FMNL2: variants seen among roughly 807,000 people sequenced by gnomAD.
FMNL2 encodes formin-like protein 2.
FMNL2 carries 51 observed loss-of-function variants against 130.2 expected under a neutral mutation model. The observed-to-expected ratio is 0.39, with a 90% CI of 0.31 to 0.49. The LOEUF (loss-of-function observed/expected upper bound fraction) is 0.49. Among genes scored for constraint, FMNL2 ranks in the 20% least tolerant of loss-of-function variants. The pLI is 0.85. For missense variants in FMNL2, 977 were observed against 1,316.2 expected (o/e 0.74, Z 3.99); for synonymous variants, 465 against 467.1 (o/e 1.00, Z 0.06).
At chr2:152,402,202 G>A (rs925102886) in intron 1 of FMNL2, among the ~76,000 whole-genome samples, 5 of 151,914 alleles carry the variant, frequency 3.3e-5, no homozygotes, top group African/African-American at 9.7e-5. Flanking sequence ...ACGCCCGGCC[G>A]TGTTTGATCT....
intron 2 of FMNL2, among the ~76,000 whole-genome samples, chr2:152,534,937 G>A (rs1693912796): frequency 6.6e-6 from 1 of 152,190 alleles, no homozygotes; most frequent in Non-Finnish European, 1.5e-5. Context: ...TTCATATTCA[G>A]AGCTGAAGAA....
At chr2:152,547,909 C>G (rs1302928427) in intron 3 of FMNL2, among the ~76,000 whole-genome samples, 1 of 152,134 alleles carries the variant, frequency 6.6e-6, no homozygotes, top group Non-Finnish European at 1.5e-5. Context: ...TTCAAAGTGG[C>G]CTGAGACTGT....
chr2:152,419,217 T>C (rs1686777255), intron 1 of FMNL2, among the ~76,000 whole-genome samples: 1 of 152,188 alleles, frequency 6.6e-6, no homozygotes, highest in Admixed American at 6.5e-5. Flanking sequence ...TACAAAGTGA[T>C]GTAATGATGT....
chr2:152,477,941 A>G (rs1690245655), intron 1 of FMNL2, among the ~76,000 whole-genome samples: 1 of 152,162 alleles, frequency 6.6e-6, no homozygotes, highest in South Asian at 2.1e-4. Context: ...TTAATGAGTC[A>G]GCACAGCCTG....
At chr2:152,363,572 T>G (rs12992391) in intron 1 of FMNL2, among the ~76,000 whole-genome samples, 125 of 144,624 alleles carry the variant, frequency 8.6e-4, no homozygotes, top group East Asian at 5.9e-4. Context: ...CTTTTTTTTT[T>G]CCCCCCCAAG....
At chr2:152,475,840 G>T (rs1690120979) in intron 1 of FMNL2, among the ~76,000 whole-genome samples, 1 of 152,180 alleles carries the variant, frequency 6.6e-6, no homozygotes, top group Non-Finnish European at 1.5e-5. Flanking sequence ...AAAAAGGCAA[G>T]TTGGTGAGGT....
At chr2:152,460,066 C>T (rs1053661273) in intron 1 of FMNL2, among the ~76,000 whole-genome samples, 2 of 152,152 alleles carry the variant, frequency 1.3e-5, no homozygotes, top group Non-Finnish European at 2.9e-5. Flanking sequence ...TAAGTCAGTT[C>T]TCTATTTAAC....
chr2:152,571,882 G>A (rs889263092), intron 6 of FMNL2, among the ~76,000 whole-genome samples: 31 of 129,100 alleles, frequency 2.4e-4, no homozygotes, highest in African/African-American at 7.4e-4. Flanking sequence ...AATTGGTGAC[G>A]GATTACTGCT....
chr2:152,461,475 T>G (rs1476930849), intron 1 of FMNL2, among the ~76,000 whole-genome samples: 1 of 152,168 alleles, frequency 6.6e-6, no homozygotes, highest in Admixed American at 6.5e-5. Flanking sequence ...ATTATAAAAT[T>G]TAGAGTCAAA....
chr2:152,467,935 G>T (rs770564281), intron 1 of FMNL2, among the ~76,000 whole-genome samples: 3 of 152,240 alleles, frequency 2.0e-5, no homozygotes, highest in Non-Finnish European at 2.9e-5. Context: ...ATTTTAGGAG[G>T]ACCTGAAGCA....
chr2:152,604,492 T>C (rs1275418175), intron 9 of FMNL2, among the ~76,000 whole-genome samples: 2 of 148,626 alleles, frequency 1.3e-5, no homozygotes, highest in African/African-American at 2.4e-5. Context: ...CAAACATGAA[T>C]CACGGTCTGC....
intron 1 of FMNL2, among the ~76,000 whole-genome samples, chr2:152,379,895 A>T (rs148533625): frequency 6.6e-6 from 1 of 152,226 alleles, no homozygotes; most frequent in African/African-American, 2.4e-5. Flanking sequence ...AGAAAATAGT[A>T]GTGAAAGCTA....
intron 1 of FMNL2, among the ~76,000 whole-genome samples, chr2:152,504,403 C>T (rs1011259369): frequency 1.8e-4 from 27 of 151,992 alleles, no homozygotes; most frequent in African/African-American, 5.6e-4. Context: ...TGCACCACCA[C>T]GACCGGCTAA....
At chr2:152,578,007 G>A (rs1443942466) in intron 7 of FMNL2, among the ~76,000 whole-genome samples, 2 of 152,152 alleles carry the variant, frequency 1.3e-5, no homozygotes, top group African/African-American at 2.4e-5. Flanking sequence ...AAAATAAGGG[G>A]GAAGGGAGGA....
chr2:152,602,818 TCTGAAAATAA>T (rs1455125173), intron 9 of FMNL2, among the ~76,000 whole-genome samples: 1 of 152,126 alleles, frequency 6.6e-6, no homozygotes, highest in Non-Finnish European at 1.5e-5. Flanking sequence ...ATGCATGGAT[TCTGAAAATAA>T]CTGAAAATTA....
chr2:152,417,772 A>G (rs1407266249), intron 1 of FMNL2, among the ~76,000 whole-genome samples: 1 of 152,028 alleles, frequency 6.6e-6, no homozygotes, highest in Non-Finnish European at 1.5e-5. Context: ...GTTATTTTTG[A>G]CCTGCCCTGC....
At chr2:152,370,583 GT>G (rs938322261) in intron 1 of FMNL2, among the ~76,000 whole-genome samples, 2 of 152,180 alleles carry the variant, frequency 1.3e-5, no homozygotes, top group African/African-American at 2.4e-5. Flanking sequence ...TATAAACAAG[GT>G]GGTATTTCAT....
intron 1 of FMNL2, among the ~76,000 whole-genome samples, chr2:152,396,012 A>T (rs1317719301): frequency 6.6e-6 from 1 of 152,206 alleles, no homozygotes; most frequent in South Asian, 2.1e-4. Context: ...TCCTTGCTTA[A>T]GTGTATTTGT....
chr2:152,552,781 G>T (rs1695008914), intron 4 of FMNL2, among the ~76,000 whole-genome samples: 1 of 152,196 alleles, frequency 6.6e-6, no homozygotes, highest in South Asian at 2.1e-4. Flanking sequence ...TGCAGTGTGA[G>T]TAGGCAGATG....
Sources: gnomAD v4.1 joint callset for allele counts (sites outside exome capture counted in the v4.1 genomes callset) on GRCh38, gnomAD v4.1.1 for gene constraint, MANE v1.5 for transcripts, NCBI Gene and HGNC (gene_info 2026-07-23, HGNC 2026-07-21) for gene names.